ITSN1: variants seen among roughly 807,000 people sequenced by gnomAD.
The protein encoded by ITSN1 is intersectin-1.
Under a neutral mutation model 239.8 loss-of-function variants are expected in ITSN1, and 58 were observed. That is an observed-to-expected ratio of 0.24 (90% CI 0.20 to 0.30). ITSN1 has a LOEUF of 0.30. ITSN1 is among the 10% of genes least tolerant of loss of function. The pLI, the probability that ITSN1 is intolerant of heterozygous loss-of-function variation, is 1.00. For missense variants in ITSN1, 1,558 were observed against 2,103.3 expected, an observed-to-expected ratio of 0.74 and a Z score of 5.07; for synonymous variants, 780 against 770.8, an observed-to-expected ratio of 1.01 and a Z score of -0.20.
At chr21:33,748,193 AC>A (rs2067302933) in intron 5 of ITSN1, among the ~76,000 whole-genome samples, 1 of 152,166 alleles carries the variant, frequency 6.6e-6, no homozygotes, top group Non-Finnish European at 1.5e-5. Context: ...TTGGATGCAT[AC>A]AGTGGCTCAG....
chr21:33,838,955 T>G (rs1173834117), intron 29 of ITSN1, among the ~76,000 whole-genome samples: 1 of 152,218 alleles, frequency 6.6e-6, no homozygotes, highest in Non-Finnish European at 1.5e-5. Context: ...CTGGCACACT[T>G]TGCAGAAATA....
Position 33,885,137 on chromosome 21 carries a change from C to T in ITSN1, c.4759+14C>T, listed in dbSNP as rs1195714870. The T allele has an allele frequency of 6.2e-7, 1 of 1,608,680 alleles. No individual in the cohort carries two copies. Among genetic ancestry groups the T allele is most frequent in the Admixed American group, 1.7e-5 (1 of 59,974 alleles). ...AAGCGTACCTGGGTAATGCATGGCC[C>T]CGCGGGGTGTCCTGCACAGCTGGGC... On this transcript the variant is annotated intron_variant, in intron 37 of 39. Coordinates refer to ENST00000381318, the MANE Select transcript of ITSN1 (RefSeq NM_003024.3).
intron 4 of ITSN1, among the ~76,000 whole-genome samples, chr21:33,729,588 A>T (rs926554463): frequency 7.2e-5 from 11 of 152,224 alleles, no homozygotes; most frequent in East Asian, 5.8e-4. Context: ...TAAGCACAGA[A>T]TCACAGAAAC....
intron 4 of ITSN1, among the ~76,000 whole-genome samples, chr21:33,728,999 C>G (rs2066001938): frequency 6.6e-6 from 1 of 152,194 alleles, no homozygotes; most frequent in Non-Finnish European, 1.5e-5. Flanking sequence ...GATGAGCAGC[C>G]TGAGGCCAGG....
intron 19 of ITSN1, among the ~76,000 whole-genome samples, chr21:33,801,734 C>G (rs963271402): frequency 3.3e-5 from 5 of 152,210 alleles, no homozygotes; most frequent in African/African-American, 1.2e-4. Flanking sequence ...TTCAAGTATA[C>G]TCCATGGCTT....
intron 17 of ITSN1, among the ~76,000 whole-genome samples, chr21:33,795,352 G>T (rs914867952): frequency 6.6e-6 from 1 of 152,202 alleles, no homozygotes; most frequent in Admixed American, 6.5e-5. Context: ...GGGAGGCTGA[G>T]GCAGGAGGAT....
At chr21:33,753,633 G>A (rs1276448986) in intron 7 of ITSN1, among the ~76,000 whole-genome samples, 2 of 151,624 alleles carry the variant, frequency 1.3e-5, no homozygotes, top group East Asian at 1.9e-4. Context: ...GTGGTGGCGG[G>A]CACCTGTAAT....
At chr21:33,735,410 T>C (rs2066436641) in intron 5 of ITSN1, 2 of 639,136 alleles carry the variant, frequency 3.1e-6, no homozygotes, top group Non-Finnish European at 5.7e-6. Context: ...GTAATCAAAA[T>C]GAAAGCAGAG....
chr21:33,896,291 C>T lies in ITSN1; in HGVS notation c.*7991C>T, dbSNP rs1986778613. The T allele has an allele frequency of 6.6e-6, 1 of 152,248 alleles. No individual in the cohort carries two copies. Among genetic ancestry groups the T allele is most frequent in the South Asian group, 2.1e-4 (1 of 4,830 alleles). 9.4% of individuals were successfully genotyped at this position (152,248 alleles called of 1,614,324 possible). ...GCGTCAAGCAGCTGTGAGCCTTTAC[C>T]ATTGAGCTCACTGCTTGGAAATAAA... On this transcript the variant is annotated 3_prime_UTR_variant, in exon 40 of 40. Transcript: ENST00000381318.
intron 29 of ITSN1, among the ~76,000 whole-genome samples, chr21:33,850,911 G>C (rs1978293191): frequency 6.6e-6 from 1 of 152,140 alleles, no homozygotes. Flanking sequence ...TGGTCCATGG[G>C]GAGAAGCCTG....
At chr21:33,685,408 A>G (rs917438751) in intron 1 of ITSN1, among the ~76,000 whole-genome samples, 2 of 152,056 alleles carry the variant, frequency 1.3e-5, no homozygotes, top group Non-Finnish European at 2.9e-5. Flanking sequence ...TCTAAATAGT[A>G]TTGAAAGGAA....
chr21:33,662,272 C>T (rs1351628826), intron 1 of ITSN1, among the ~76,000 whole-genome samples: 3 of 152,078 alleles, frequency 2.0e-5, no homozygotes, highest in Non-Finnish European at 2.9e-5. Flanking sequence ...AGTCATTTTC[C>T]CTTTGATTTC....
chr21:33,700,493 T>C (rs2091961506), intron 1 of ITSN1, among the ~76,000 whole-genome samples: 1 of 152,222 alleles, frequency 6.6e-6, no homozygotes, highest in Admixed American at 6.5e-5. Flanking sequence ...GAGACAGATG[T>C]AGTTGTTCAC....
intron 29 of ITSN1, among the ~76,000 whole-genome samples, chr21:33,842,361 G>T (rs1288722007): frequency 6.6e-6 from 1 of 152,114 alleles, no homozygotes; most frequent in African/African-American, 2.4e-5. Context: ...TGTATGACCT[G>T]ATTCTCAAAA....
intron 20 of ITSN1, among the ~76,000 whole-genome samples, chr21:33,807,967 TG>T (rs2072591436): frequency 7.0e-6 from 1 of 141,926 alleles, no homozygotes. Flanking sequence ...GGGTGGATCA[TG>T]AGGTCAGGAG....
intron 1 of ITSN1, among the ~76,000 whole-genome samples, chr21:33,656,247 A>C (rs1460469479): frequency 1.3e-5 from 2 of 152,180 alleles, no homozygotes; most frequent in African/African-American, 4.8e-5. Flanking sequence ...TCGTGGAATT[A>C]ACAGAAAGCA....
chr21:33,869,504 G>A (rs559347422), intron 33 of ITSN1, among the ~76,000 whole-genome samples: 148 of 152,330 alleles, frequency 9.7e-4, no homozygotes, highest in African/African-American at 3.2e-3. Context: ...GGGTGGAGGC[G>A]CAGCCAAACC....
At chr21:33,790,343 C>T (rs1008437054) in intron 16 of ITSN1, among the ~76,000 whole-genome samples, 2 of 150,894 alleles carry the variant, frequency 1.3e-5, no homozygotes, top group African/African-American at 2.4e-5. Flanking sequence ...ATTTTTTCTG[C>T]ATAAGTATTT....
At chr21:33,830,989 G>A (rs897944457) in intron 27 of ITSN1, among the ~76,000 whole-genome samples, 2 of 152,124 alleles carry the variant, frequency 1.3e-5, no homozygotes, top group African/African-American at 2.4e-5. Flanking sequence ...GGGCCTATGG[G>A]TGTTCTGTGT....
Sources: gnomAD v4.1 joint callset for allele counts (sites outside exome capture counted in the v4.1 genomes callset) on GRCh38, gnomAD v4.1.1 for gene constraint, MANE v1.5 for transcripts, NCBI Gene and HGNC (gene_info 2026-07-23, HGNC 2026-07-21) for gene names.